CNTNAP2: variants seen among roughly 807,000 people sequenced by gnomAD.
CNTNAP2 encodes the protein contactin associated protein 2.
CNTNAP2 carries 98 observed loss-of-function variants against 155.2 expected under a neutral mutation model. The observed-to-expected ratio is 0.63, with a 90% CI of 0.54 to 0.75. CNTNAP2 has a LOEUF of 0.75. Ranked by LOEUF, CNTNAP2 falls within the 30% of genes least tolerant of loss-of-function variation. The probability of loss-of-function intolerance (pLI) is 0.00; values close to 1 mark genes in which losing one functional copy is unlikely to be tolerated. For synonymous variants in CNTNAP2, 651 were observed against 631.2 expected, an observed-to-expected ratio of 1.03 and a Z score of -0.47; for missense variants, 1,727 against 1,688.1, an observed-to-expected ratio of 1.02 and a Z score of -0.40.
At chr7:146,882,459 G>A (rs764684508) in intron 3 of CNTNAP2, among the ~76,000 whole-genome samples, 1 of 152,016 alleles carries the variant, frequency 6.6e-6, no homozygotes. Context: ...TGTTCTCATC[G>A]TAGTGAGTGA....
At chr7:147,482,389 A>T (rs922299305) in intron 10 of CNTNAP2, among the ~76,000 whole-genome samples, 17 of 152,108 alleles carry the variant, frequency 1.1e-4, no homozygotes, top group African/African-American at 3.9e-4. Context: ...AAGAATTAGA[A>T]TACCTATAAT....
intron 1 of CNTNAP2, among the ~76,000 whole-genome samples, chr7:146,278,958 T>C (rs1317220527): frequency 6.6e-6 from 1 of 152,160 alleles, no homozygotes; most frequent in Non-Finnish European, 1.5e-5. Context: ...CTCGCACATA[T>C]GATGAATAAA....
chr7:146,970,152 A>G (rs1797752613), intron 3 of CNTNAP2, among the ~76,000 whole-genome samples: 1 of 152,228 alleles, frequency 6.6e-6, no homozygotes, highest in South Asian at 2.1e-4. Flanking sequence ...AGGCATGGGC[A>G]AGGACTTCAT....
chr7:146,875,843 C>A (rs533166186), intron 3 of CNTNAP2, among the ~76,000 whole-genome samples: 1 of 135,396 alleles, frequency 7.4e-6, no homozygotes, highest in East Asian at 2.5e-4. Flanking sequence ...GCCAGTAGTT[C>A]AAGACCAGCC....
At chr7:146,329,145 C>T (rs569028535) in intron 1 of CNTNAP2, among the ~76,000 whole-genome samples, 2 of 152,176 alleles carry the variant, frequency 1.3e-5, no homozygotes, top group African/African-American at 2.4e-5. Context: ...CAGCAGGACA[C>T]CAGGGTTCCC....
chr7:146,280,606 A>G (rs1457333331), intron 1 of CNTNAP2, among the ~76,000 whole-genome samples: 1 of 152,142 alleles, frequency 6.6e-6, no homozygotes, highest in African/African-American at 2.4e-5. Flanking sequence ...CTGTCTCCAC[A>G]TTATGTATCA....
intron 1 of CNTNAP2, among the ~76,000 whole-genome samples, chr7:146,686,568 G>A (rs1800604517): frequency 6.6e-6 from 1 of 152,136 alleles, no homozygotes; most frequent in African/African-American, 2.4e-5. Flanking sequence ...CTGTAAGATC[G>A]AGGCACAGAT....
intron 8 of CNTNAP2, among the ~76,000 whole-genome samples, chr7:147,222,919 CCCCAA>C (rs1278054475): frequency 6.6e-6 from 1 of 150,522 alleles, no homozygotes; most frequent in Non-Finnish European, 1.5e-5. Flanking sequence ...TATGATAGAA[CCCCAA>C]CAGGTTGAAT....
At chr7:147,686,856 TA>T (rs57013062) in intron 13 of CNTNAP2, among the ~76,000 whole-genome samples, 6,957 of 142,448 alleles carry the variant, frequency 0.049, 379 homozygotes, top group Admixed American at 0.19. Context: ...AGGGATAGTG[TA>T]AAAAAAAAAA....
At chr7:146,843,487 G>A (rs1044296604) in intron 3 of CNTNAP2, among the ~76,000 whole-genome samples, 1 of 150,908 alleles carries the variant, frequency 6.6e-6, no homozygotes, top group African/African-American at 2.4e-5. Flanking sequence ...AACCATATCA[G>A]AGACACAATC....
intron 13 of CNTNAP2, among the ~76,000 whole-genome samples, chr7:147,782,669 C>T (rs918053850): frequency 6.6e-5 from 10 of 152,122 alleles, no homozygotes; most frequent in African/African-American, 2.4e-4. Context: ...CACTTAATAC[C>T]ATTGCATTAG....
At chr7:148,290,359 G>A (rs894332903) in intron 21 of CNTNAP2, among the ~76,000 whole-genome samples, 2 of 152,094 alleles carry the variant, frequency 1.3e-5, no homozygotes, top group African/African-American at 4.8e-5. Context: ...TCAGCCATAC[G>A]GAAAACCAAG....
chr7:146,831,306 ATATT>A, intron 2 of CNTNAP2, among the ~76,000 whole-genome samples: 1 of 152,114 alleles, frequency 6.6e-6, no homozygotes, highest in East Asian at 1.9e-4. Context: ...CCTTTAATAA[ATATT>A]CAAGAAAGCT....
chr7:147,660,897 T>C (rs1584884948), intron 13 of CNTNAP2, among the ~76,000 whole-genome samples: 1 of 152,144 alleles, frequency 6.6e-6, no homozygotes, highest in Non-Finnish European at 1.5e-5. Flanking sequence ...AAGGGAGATA[T>C]GGGGATATGG....
chr7:146,305,881 A>G (rs2129089404), intron 1 of CNTNAP2, among the ~76,000 whole-genome samples: 1 of 152,320 alleles, frequency 6.6e-6, no homozygotes, highest in South Asian at 2.1e-4. Flanking sequence ...GCAGAAGGCA[A>G]GAAATAACTA....
chr7:148,053,997 G>C (rs1459011301), intron 15 of CNTNAP2, among the ~76,000 whole-genome samples: 1 of 136,572 alleles, frequency 7.3e-6, no homozygotes, highest in Non-Finnish European at 1.5e-5. Flanking sequence ...TTTCAAGACA[G>C]AGTCTAGCTC....
At chr7:146,519,392 C>T (rs1055889765) in intron 1 of CNTNAP2, among the ~76,000 whole-genome samples, 2 of 151,770 alleles carry the variant, frequency 1.3e-5, no homozygotes, top group South Asian at 4.1e-4. Flanking sequence ...TTTTTCAACT[C>T]TACTAATCTT....
rs1554396848 is a variant in CNTNAP2, at chr7:146,151,652, A to ATG, written c.97+34680_97+34681insGT. ...GAAAACGTGATATATATATATATATATATATATATATATATATATATATAT... is the reference window on the plus strand; with the variant it reads ...GAAAACGTGATATATATATATATATATGTATATATATATATATATATATATAT... On this transcript the variant is annotated intron_variant, in intron 1 of 23. Transcript: ENST00000361727. 4.4e-4 allele frequency among the ~76,000 whole-genome samples: 12 copies of ATG among 27,374 alleles called. 1 individual carries two copies. The highest frequency in any genetic ancestry group is 1.4e-3 in the African/African-American group (12 of 8,820). The allele number at this position is 27,374 out of a possible 152,430, so 18.0% of individuals were successfully genotyped here. A position where few individuals can be genotyped will look rare whatever the true frequency, so the allele number is the denominator to read the frequency against.
chr7:147,974,899 G>A (rs1418637774), intron 14 of CNTNAP2, among the ~76,000 whole-genome samples: 1 of 151,408 alleles, frequency 6.6e-6, no homozygotes, highest in African/African-American at 2.4e-5. Context: ...GCCAAACACT[G>A]GAAACATCCA....
Sources: gnomAD v4.1 joint callset for allele counts (sites outside exome capture counted in the v4.1 genomes callset) on GRCh38, gnomAD v4.1.1 for gene constraint, MANE v1.5 for transcripts, NCBI Gene and HGNC (gene_info 2026-07-23, HGNC 2026-07-21) for gene names.